Variants in KIF5C observed in about 807,000 individuals in gnomAD.
The protein encoded by KIF5C is kinesin heavy chain isoform 5C.
In KIF5C, 18 loss-of-function variants were observed where a neutral mutation model predicts 125.2. The ratio of observed to expected loss-of-function variants is 0.14; its 90% CI spans 0.10 to 0.21. The LOEUF is 0.21. Among genes scored for constraint, KIF5C ranks in the 10% least tolerant of loss-of-function variants. KIF5C has a pLI of 1.00. For missense variants in KIF5C, 780 were observed against 1,183.8 expected (o/e 0.66, Z 5.01); for synonymous variants, 405 against 434.0 (o/e 0.93, Z 0.83).
intron 10 of KIF5C, among the ~76,000 whole-genome samples, chr2:148,957,302 A>G (rs1242058337): frequency 6.6e-6 from 1 of 152,050 alleles, no homozygotes; most frequent in Non-Finnish European, 1.5e-5. Flanking sequence ...GCAACTAGCT[A>G]GATATTAACA....
chr2:149,020,539 T>C (rs73013140), intron 25 of KIF5C, among the ~76,000 whole-genome samples: 11,383 of 152,206 alleles, frequency 0.075, 1,196 homozygotes, highest in African/African-American at 0.23. Context: ...GCTGGAGTTA[T>C]TGAGGCCGCC....
At chr2:148,918,844 C>A (rs747769655) in intron 1 of KIF5C, among the ~76,000 whole-genome samples, 5 of 151,948 alleles carry the variant, frequency 3.3e-5, no homozygotes, top group Non-Finnish European at 7.4e-5. Flanking sequence ...TAGTTAGGAG[C>A]GAGAATTAAG....
intron 1 of KIF5C, among the ~76,000 whole-genome samples, chr2:148,896,139 G>C (rs2105051160): frequency 6.6e-6 from 1 of 152,286 alleles, no homozygotes; most frequent in Non-Finnish European, 1.5e-5. Flanking sequence ...AGAGATGTGA[G>C]AACTCAGACC....
At chr2:148,987,459 G>C (rs1199800008) in intron 15 of KIF5C, among the ~76,000 whole-genome samples, 1 of 152,144 alleles carries the variant, frequency 6.6e-6, no homozygotes, top group Non-Finnish European at 1.5e-5. Context: ...GCAAAAGAGA[G>C]GGGCAGGGGC....
chr2:148,941,326 G>A (rs1682401959), intron 4 of KIF5C, among the ~76,000 whole-genome samples: 1 of 152,180 alleles, frequency 6.6e-6, no homozygotes, highest in South Asian at 2.1e-4. Context: ...AAAGCCTAGA[G>A]TCCTCCTGTA....
In KIF5C at chr2:148,875,789, C is replaced by T. The variant is rs117284722; in HGVS notation, c.126+46C>T. 11,543 of 1,568,610 alleles carry T rather than the reference C, an allele frequency of 7.4e-3. 693 individuals carry two copies. In the East Asian group the frequency reaches 0.16, roughly 22 times the overall value. On this transcript the variant is annotated intron_variant, in intron 1 of 25. Transcript: ENST00000435030. ...CCTTCCCTGCTGCTCCGCGCCGCAG[C>T]TGGGCGCCCCGACGCCCCAGACGCA...
At chr2:148,940,756 G>C (rs1424794658) in intron 4 of KIF5C, among the ~76,000 whole-genome samples, 1 of 152,192 alleles carries the variant, frequency 6.6e-6, no homozygotes, top group African/African-American at 2.4e-5. Flanking sequence ...GGGGATTTTT[G>C]ACATCGTAAA....
In KIF5C at chr2:148,998,831, C is replaced by CAA. The variant is rs58960407; in HGVS notation, c.2210+339_2210+340dup. On this transcript the variant is annotated intron_variant, in intron 19 of 25. Coordinates refer to ENST00000435030, the MANE Select transcript of KIF5C (RefSeq NM_004522.3). ...GGGGGAGCATCTGTAATGAAAGCAC[C>CAA]AAAAAAAAAAAAAAAAAAGAAAAGA... The CAA allele has an allele frequency of 3.6e-3, 227 of 62,336 alleles. No homozygotes were observed. Among genetic ancestry groups the CAA allele is most frequent in the African/African-American group, 0.012 (201 of 16,218 alleles). The allele number at this position is 62,336 out of a possible 1,614,324, so 3.9% of individuals were successfully genotyped here. A position where few individuals can be genotyped will look rare whatever the true frequency, so the allele number is the denominator to read the frequency against.
chr2:148,922,039 A>T, intron 1 of KIF5C, 98 bp from the exon 2 acceptor site: 5 of 702,226 alleles, frequency 7.1e-6, no homozygotes, highest in Non-Finnish European at 1.2e-5. Flanking sequence ...TTGGTGACTT[A>T]GTGCCTATGG....
chr2:148,931,106 T>G (rs1444364116), intron 3 of KIF5C, among the ~76,000 whole-genome samples: 1 of 152,144 alleles, frequency 6.6e-6, no homozygotes, highest in African/African-American at 2.4e-5. Context: ...GAGGTTTTTT[T>G]GTTTGTTTGT....
In KIF5C at chr2:148,937,508, T is replaced by G; in HGVS notation, c.396+120T>G. ...ACTAATTTAAATGACATTCTTGTGG[T>G]AAGCAGAGCCCTCTTTATTAGTGAC... is the stretch of plus-strand genomic sequence containing the variant. On this transcript the variant is annotated intron_variant, in intron 4 of 25. Coordinates refer to ENST00000435030, the MANE Select transcript of KIF5C (RefSeq NM_004522.3). 3 of 1,364,478 alleles carry G rather than the reference T, an allele frequency of 2.2e-6. No individual in the cohort carries two copies. In the Admixed American group the frequency reaches 8.3e-5, roughly 38 times the overall value. 84.5% of individuals were successfully genotyped at this position (1,364,478 alleles called of 1,614,324 possible).
At chr2:148,930,354 A>C (rs1682148953) in intron 3 of KIF5C, among the ~76,000 whole-genome samples, 1 of 151,262 alleles carries the variant, frequency 6.6e-6, no homozygotes, top group Admixed American at 6.6e-5. Flanking sequence ...TAAATCACCA[A>C]ATCCTATAGG....
chr2:148,890,108 C>G (rs143590396), intron 1 of KIF5C, among the ~76,000 whole-genome samples: 102 of 152,216 alleles, frequency 6.7e-4, no homozygotes, highest in Non-Finnish European at 1.0e-3. Context: ...ACTTAAGAAA[C>G]TAACTGGTTT....
intron 3 of KIF5C, among the ~76,000 whole-genome samples, chr2:148,935,969 A>G (rs74542020): frequency 0.061 from 9,221 of 152,274 alleles, 407 homozygotes; most frequent in Non-Finnish European, 0.087. Context: ...AGGAGTATCC[A>G]TTTTTCCGGA....
rs560568230 is a variant in KIF5C, at chr2:149,016,815, G to A, written c.*7+5132G>A. On this transcript the variant is annotated intron_variant, in intron 25 of 25. Transcript: ENST00000435030. ...GTTTATGGCCACAGGTCTGAAGGAG[G>A]CAACCTAGAGAAAAGGTGGGCACAG... Among the ~76,000 whole-genome samples the A allele has an allele frequency of 2.7e-4, 41 of 152,246 alleles. 1 individual carries two copies. Among genetic ancestry groups the A allele is most frequent in the African/African-American group, 9.2e-4 (38 of 41,530 alleles).
rs73011347 is a variant in KIF5C at position 149,008,185 on chromosome 2, A to G, written c.2550+118A>G. On this transcript the variant is annotated intron_variant, in intron 23 of 25. Transcript: ENST00000435030. The stretch of plus-strand genomic sequence containing the variant: ...GAGATTGAAGGTAAAAGAACTGTAC[A>G]CTATCAGAGGACATGAGGGCTGGAA... 12,467 of 1,277,988 alleles carry G rather than the reference A, an allele frequency of 9.8e-3. 221 individuals carry two copies. Among genetic ancestry groups the G allele is most frequent in the Middle Eastern group, 0.083 (373 of 4,476 alleles). 79.2% of individuals were successfully genotyped at this position (1,277,988 alleles called of 1,614,324 possible).
intron 1 of KIF5C, among the ~76,000 whole-genome samples, chr2:148,914,819 C>T (rs2105072222): frequency 6.6e-6 from 1 of 152,362 alleles, no homozygotes; most frequent in East Asian, 1.9e-4. Context: ...GTTACAGCGT[C>T]ATCCCATGTA....
intron 15 of KIF5C, among the ~76,000 whole-genome samples, chr2:148,984,564 A>G (rs965138871): frequency 2.0e-5 from 3 of 152,094 alleles, no homozygotes; most frequent in Non-Finnish European, 2.9e-5. Flanking sequence ...AACCACATCC[A>G]AGGCAGGATG....
At chr2:148,910,684 G>T (rs1681299830) in intron 1 of KIF5C, among the ~76,000 whole-genome samples, 1 of 152,160 alleles carries the variant, frequency 6.6e-6, no homozygotes, top group Admixed American at 6.5e-5. Flanking sequence ...TTGCACTAGG[G>T]GGATCATATA....
Sources: gnomAD v4.1 joint callset for allele counts (sites outside exome capture counted in the v4.1 genomes callset) on GRCh38, gnomAD v4.1.1 for gene constraint, MANE v1.5 for transcripts, NCBI Gene and HGNC (gene_info 2026-07-23, HGNC 2026-07-21) for gene names.